The following DYNC1I1 variants were observed in gnomAD, a reference collection of about 807,000 sequenced individuals.
DYNC1I1 encodes cytoplasmic dynein 1 intermediate chain 1.
Under a neutral mutation model 86.6 loss-of-function variants are expected in DYNC1I1, and 43 were observed. The ratio of observed to expected loss-of-function variants is 0.50; its 90% CI spans 0.39 to 0.64. DYNC1I1 has a LOEUF of 0.64. Ranked by LOEUF, DYNC1I1 falls within the 30% of genes least tolerant of loss-of-function variation. The pLI, the probability that DYNC1I1 is intolerant of heterozygous loss-of-function variation, is 0.00. For synonymous variants in DYNC1I1, 262 were observed against 283.7 expected, an observed-to-expected ratio of 0.92 and a Z score of 0.77; for missense variants, 604 against 788.8, an observed-to-expected ratio of 0.77 and a Z score of 2.81.
intron 6 of DYNC1I1, among the ~76,000 whole-genome samples, chr7:95,950,983 A>C (rs1258552801): frequency 2.0e-5 from 3 of 152,206 alleles, no homozygotes; most frequent in Non-Finnish European, 4.4e-5. Context: ...TAACACTTCA[A>C]AATGAAATTG....
intron 10 of DYNC1I1, among the ~76,000 whole-genome samples, chr7:96,015,669 A>T (rs1430358220): frequency 6.6e-6 from 1 of 152,102 alleles, no homozygotes; most frequent in Admixed American, 6.6e-5. Flanking sequence ...TTCCGGTAAG[A>T]GGGAATTGCC....
rs1171032744 is a variant in DYNC1I1 at position 95,941,849 on chromosome 7, A to G, written c.491-35663A>G. Among the ~76,000 whole-genome samples the G allele has an allele frequency of 5.3e-5, 8 of 152,178 alleles. No individual in the cohort carries two copies. In the South Asian group the frequency reaches 6.2e-4, roughly 12 times the overall value. Reference sequence around the variant, plus strand: ...TGTCTGGCACTCCCTAGTGAGATGAACCCGGTACCTCAGATGGAAATGCAG... The same window carrying G: ...TGTCTGGCACTCCCTAGTGAGATGAGCCCGGTACCTCAGATGGAAATGCAG... On this transcript the variant is annotated intron_variant, in intron 6 of 16. Coordinates refer to ENST00000447467, the MANE Select transcript of DYNC1I1 (RefSeq NM_001135556.2).
At chr7:95,871,907 A>G (rs1790180738) in intron 6 of DYNC1I1, among the ~76,000 whole-genome samples, 1 of 152,264 alleles carries the variant, frequency 6.6e-6, no homozygotes, top group African/African-American at 2.4e-5. Flanking sequence ...GGTTCAGATT[A>G]CAATACAGAA....
intron 2 of DYNC1I1, among the ~76,000 whole-genome samples, chr7:95,806,661 C>T (rs781572201): frequency 4.6e-5 from 7 of 152,148 alleles, no homozygotes; most frequent in East Asian, 1.9e-4. Context: ...ATACAGAGTC[C>T]GAGTCTTCCA....
intron 1 of DYNC1I1, among the ~76,000 whole-genome samples, chr7:95,777,612 C>A (rs1793876628): frequency 1.3e-5 from 2 of 152,202 alleles, no homozygotes; most frequent in Admixed American, 6.5e-5. Context: ...TACCTATATT[C>A]TTGCTATGAT....
chr7:95,844,510 A>G (rs974321135), intron 5 of DYNC1I1, among the ~76,000 whole-genome samples: 27 of 152,334 alleles, frequency 1.8e-4, no homozygotes, highest in Admixed American at 1.0e-3. Context: ...CTGCTATGCC[A>G]CATGGGAGAC....
intron 14 of DYNC1I1, among the ~76,000 whole-genome samples, chr7:96,066,170 C>T (rs551160392): frequency 7.1e-4 from 108 of 152,280 alleles, no homozygotes; most frequent in African/African-American, 2.5e-3. Context: ...TCTTTATATC[C>T]GTCTGGGAAT....
intron 5 of DYNC1I1, among the ~76,000 whole-genome samples, chr7:95,856,874 G>A (rs1789738096): frequency 6.6e-6 from 1 of 152,090 alleles, no homozygotes; most frequent in African/African-American, 2.4e-5. Context: ...AGCTACTTGG[G>A]AGGCTGAGGC....
intron 6 of DYNC1I1, among the ~76,000 whole-genome samples, chr7:95,920,340 C>A (rs539861751): frequency 3.9e-5 from 6 of 152,190 alleles, no homozygotes; most frequent in Admixed American, 1.3e-4. Flanking sequence ...CCTGTTTTCC[C>A]AAAAATTCTC....
chr7:96,085,359 A>C (rs577777360), intron 16 of DYNC1I1, among the ~76,000 whole-genome samples: 1 of 151,892 alleles, frequency 6.6e-6, no homozygotes, highest in South Asian at 2.1e-4. Flanking sequence ...GAGTTTGTCC[A>C]TCTCCCTTTT....
chr7:95,839,843 A>G (rs915352408), intron 5 of DYNC1I1, among the ~76,000 whole-genome samples: 10 of 151,404 alleles, frequency 6.6e-5, no homozygotes, highest in Admixed American at 2.6e-4. Flanking sequence ...CTGGTATTGT[A>G]TTCTTGATTG....
intron 6 of DYNC1I1, among the ~76,000 whole-genome samples, chr7:95,917,501 G>A (rs1390078626): frequency 6.6e-6 from 1 of 152,112 alleles, no homozygotes; most frequent in Non-Finnish European, 1.5e-5. Flanking sequence ...CTATGCTTAA[G>A]CACCTCCTCC....
rs558711861 is a variant in DYNC1I1 at position 95,802,962 on chromosome 7, T to C, written c.-9-1759T>C. 5.3e-5 allele frequency among the ~76,000 whole-genome samples: 8 copies of C among 152,308 alleles called. No homozygotes were observed. In the South Asian group the frequency reaches 8.3e-4, roughly 16 times the overall value. The stretch of plus-strand genomic sequence containing the variant: ...TTCAATACCCAGTCCCAATTTTACC[T>C]ATTCCTCAATGCTTCCCCTGGCATA... On this transcript the variant is annotated intron_variant, in intron 1 of 16. Transcript: ENST00000447467.
At chr7:96,015,938 A>G (rs1174718972) in intron 10 of DYNC1I1, among the ~76,000 whole-genome samples, 1 of 152,190 alleles carries the variant, frequency 6.6e-6, no homozygotes, top group African/African-American at 2.4e-5. Flanking sequence ...GTAGCAGTTT[A>G]TCAATAGAAC....
intron 10 of DYNC1I1, among the ~76,000 whole-genome samples, chr7:96,003,909 G>A (rs770395235): frequency 6.6e-5 from 10 of 152,124 alleles, no homozygotes; most frequent in Non-Finnish European, 1.3e-4. Context: ...TGATTTGTGT[G>A]TGTCTTTAAG....
intron 14 of DYNC1I1, among the ~76,000 whole-genome samples, chr7:96,057,641 G>A (rs1789618509): frequency 6.6e-6 from 1 of 152,116 alleles, no homozygotes; most frequent in South Asian, 2.1e-4. Flanking sequence ...TGATGTAAAT[G>A]TTTTTTATTG....
At chr7:95,859,006 TTAATA>T (rs1789803978) in intron 5 of DYNC1I1, among the ~76,000 whole-genome samples, 1 of 147,452 alleles carries the variant, frequency 6.8e-6, no homozygotes, top group Non-Finnish European at 1.5e-5. Flanking sequence ...ATATATTATA[TTAATA>T]TATTTATTAT....
intron 6 of DYNC1I1, among the ~76,000 whole-genome samples, chr7:95,920,254 C>T (rs1340255365): frequency 6.6e-6 from 1 of 152,200 alleles, no homozygotes; most frequent in Non-Finnish European, 1.5e-5. Flanking sequence ...TCCTCCCCCA[C>T]ACCCACAAAC....
At chr7:96,072,194 T>C (rs1790189607) in intron 14 of DYNC1I1, among the ~76,000 whole-genome samples, 1 of 152,208 alleles carries the variant, frequency 6.6e-6, no homozygotes, top group African/African-American at 2.4e-5. Flanking sequence ...AGGTGACCGG[T>C]AGCCCGCTTC....
Sources: allele counts gnomAD v4.1 joint callset (sites outside exome capture counted in the v4.1 genomes callset), GRCh38; gene constraint gnomAD v4.1.1; transcripts MANE v1.5; gene names NCBI Gene and HGNC (gene_info 2026-07-23, HGNC 2026-07-21).